The following PFKFB4 variants were observed in gnomAD, a reference collection of about 807,000 sequenced individuals.
The protein encoded by PFKFB4 is 6-phosphofructo-2-kinase/fructose-2,6-biphosphatase 4.
PFKFB4 carries 42 observed loss-of-function variants against 62.8 expected under a neutral mutation model. The observed-to-expected ratio is 0.67, with a 90% CI of 0.52 to 0.86. The LOEUF (loss-of-function observed/expected upper bound fraction) is 0.86, where lower values mean the gene tolerates loss of function less well. PFKFB4 is among the 40% of genes least tolerant of loss of function. PFKFB4 has a pLI of 0.00. For synonymous variants in PFKFB4, 204 were observed against 240.7 expected, an observed-to-expected ratio of 0.85 and a Z score of 1.41; for missense variants, 475 against 627.2, an observed-to-expected ratio of 0.76 and a Z score of 2.59.
In PFKFB4 at chr3:48,553,277, C is replaced by T. The variant is rs187686867; in HGVS notation, c.98-3043G>A. ...TCACCTGAGGTCAGGAGTTCGAGAC[C>T]AGCTTGGCCAACATGGTGAAACCCT... is the stretch of plus-strand genomic sequence containing the variant. On this transcript the variant is annotated intron_variant, in intron 1 of 13. Transcript: ENST00000232375. Among the ~76,000 whole-genome samples the T allele has an allele frequency of 3.9e-5, 6 of 152,286 alleles. No individual in the cohort carries two copies. In the East Asian group the frequency reaches 1.2e-3, roughly 29 times the overall value.
rs532957386 is a variant in PFKFB4, at chr3:48,543,991, G to GCC, written c.312-347_312-346dup. 2.1e-4 allele frequency among the ~76,000 whole-genome samples: 30 copies of GCC among 145,342 alleles called. No individual in the cohort carries two copies. The East Asian group carries it at 3.4e-3, about 17-fold the overall frequency. ...ATATTTTCCCTGATTATCAAAATAA[G>GCC]CCCCCCCCCGCCCGCCTTTTATTTA... On this transcript the variant is annotated intron_variant, in intron 3 of 13. Coordinates refer to ENST00000232375, the MANE Select transcript of PFKFB4 (RefSeq NM_004567.4).
intron 4 of PFKFB4, among the ~76,000 whole-genome samples, chr3:48,541,914 T>C (rs1328684423): frequency 6.6e-6 from 1 of 151,944 alleles, no homozygotes; most frequent in Non-Finnish European, 1.5e-5. Context: ...CAGTGAGCTA[T>C]GATTGAGACA....
upstream of PFKFB4, chr3:48,556,835 G>T: frequency 6.5e-7 from 1 of 1,527,998 alleles, no homozygotes; most frequent in Non-Finnish European, 8.8e-7. The surrounding 1 kb of genome is among the most constrained non-coding windows in gnomAD (Gnocchi z 5.7). Context: ...GGGCCACCTC[G>T]GGCCACCCGA....
rs577239620 is a variant in PFKFB4 at position 48,523,574 on chromosome 3, C to T, written c.1248G>A (p.Pro416=). Reference sequence around the variant, plus strand: ...GAGTCAGCTTCAGGACTGTGTGCAGCGGACACTTGAGGTAGGGCAGCTGTT... The same window carrying T: ...GAGTCAGCTTCAGGACTGTGTGCAGTGGACACTTGAGGTAGGGCAGCTGTT... ...AAEQLPYLKC[P]LHTVLKLTPV... is the part of the protein sequence containing the mutation. The change falls in exon 12 of 14, where the codon CCG becomes CCA. Residue 416 remains proline (P), a synonymous_variant. Coordinates refer to ENST00000232375, the MANE Select transcript of PFKFB4 (RefSeq NM_004567.4). The T allele has an allele frequency of 2.3e-5, 37 of 1,614,020 alleles. 1 individual carries two copies. The highest frequency in any genetic ancestry group is 7.7e-5 in the South Asian group (7 of 91,080).
intron 13 of PFKFB4, among the ~76,000 whole-genome samples, chr3:48,520,795 T>C (rs1039571418): frequency 1.3e-5 from 2 of 152,174 alleles, no homozygotes; most frequent in African/African-American, 2.4e-5. Flanking sequence ...AGCCACACTA[T>C]GGTGATGGAC....
At chr3:48,536,524 T>C (rs1294818995) in intron 7 of PFKFB4, 61 bp from the exon 8 acceptor site, 1 of 1,341,074 alleles carries the variant, frequency 7.5e-7, no homozygotes, top group African/African-American at 1.4e-5. Context: ...ACAGAGCACA[T>C]CTGGCTAGCC....
Position 48,543,567 on chromosome 3 carries a change from G to T in PFKFB4, c.378+13C>A. 4 of 1,603,348 alleles carry T rather than the reference G, an allele frequency of 2.5e-6. No homozygotes were observed. Among genetic ancestry groups the T allele is most frequent in the Non-Finnish European group, 3.4e-6 (4 of 1,174,892 alleles). On this transcript the variant is annotated intron_variant, in intron 4 of 13. Transcript: ENST00000232375. The stretch of plus-strand genomic sequence containing the variant: ...TGTGTCACTCCCAGCTGTCACCAGG[G>T]TGTCACACTCACCGCCACATGTCCC...
Position 48,519,773 on chromosome 3 carries a change from G to A in PFKFB4, c.1384C>T (p.Leu462Phe), listed in dbSNP as rs2042034319. 1 of 1,613,834 alleles carries A rather than the reference G, an allele frequency of 6.2e-7. No homozygotes were observed. Among genetic ancestry groups the A allele is most frequent in the Non-Finnish European group, 8.5e-7 (1 of 1,179,866 alleles). Residue 462 changes from leucine (L) to phenylalanine (F), a missense_variant, in exon 14 of 14, where the codon CTT becomes TTT. Transcript: ENST00000232375. ...CACTGGTGAGCAGGCACCGTGACAA[G>A]GGCTTCCTCTGGAGGTCTTGAGATG... is the stretch of plus-strand genomic sequence containing the variant. Reference protein sequence around the residue: ...VDISRPPEEALVTVPAHQ With the variant: ...VDISRPPEEAFVTVPAHQ
intron 13 of PFKFB4, among the ~76,000 whole-genome samples, chr3:48,520,926 C>G (rs2042078316): frequency 6.6e-6 from 1 of 152,332 alleles, no homozygotes; most frequent in South Asian, 2.1e-4. Flanking sequence ...CCATCTGGGC[C>G]TTCCTTGGCC....
chr3:48,526,917 G>T (rs1372624274), intron 9 of PFKFB4, among the ~76,000 whole-genome samples: 1 of 151,458 alleles, frequency 6.6e-6, no homozygotes, highest in Admixed American at 6.6e-5. Context: ...CTCCAGCCTG[G>T]GTGACAGAGC....
At chr3:48,540,966 G>A (rs1366978195) in intron 4 of PFKFB4, among the ~76,000 whole-genome samples, 2 of 151,682 alleles carry the variant, frequency 1.3e-5, no homozygotes, top group Non-Finnish European at 2.9e-5. Context: ...TAGTAGAGAC[G>A]AGGTTTCACC....
intron 6 of PFKFB4, 85 bp from the exon 7 acceptor site, chr3:48,538,704 G>A (rs2042707489): frequency 6.4e-6 from 10 of 1,570,300 alleles, no homozygotes; most frequent in Middle Eastern, 3.4e-4. Flanking sequence ...TGGGCAGGGG[G>A]CTGGAGGAGG....
In PFKFB4 at chr3:48,517,769, C is replaced by G. The variant is rs1393711364; in HGVS notation, c.*1978G>C. Reference sequence around the variant, plus strand: ...ATTCAATACCATCCATTCTGGGGAACTCGGGAAAATATCTGCAACATGGGC... The same window carrying G: ...ATTCAATACCATCCATTCTGGGGAAGTCGGGAAAATATCTGCAACATGGGC... On this transcript the variant is annotated 3_prime_UTR_variant, in exon 14 of 14. Coordinates refer to ENST00000232375, the MANE Select transcript of PFKFB4 (RefSeq NM_004567.4). 6.5e-6 allele frequency: 1 copy of G among 152,714 alleles called. No homozygotes were observed. Among genetic ancestry groups the G allele is most frequent in the African/African-American group, 2.4e-5 (1 of 41,458 alleles). The allele number at this position is 152,714 out of a possible 1,614,324, so 9.5% of individuals were successfully genotyped here. A position where few individuals can be genotyped will look rare whatever the true frequency, so the allele number is the denominator to read the frequency against.
In PFKFB4 at chr3:48,553,676, G is replaced by A. The variant is rs1056422595; in HGVS notation, c.97+3005C>T. Among the ~76,000 whole-genome samples the A allele has an allele frequency of 4.6e-5, 7 of 152,332 alleles. No individual in the cohort carries two copies. The East Asian group carries it at 1.4e-3, about 29-fold the overall frequency. ...ATGTTCCATTACTTCTACCCAAGGA[G>A]CAGCCACAAGTCCCTGGAGGGGGTG... On this transcript the variant is annotated intron_variant, in intron 1 of 13. Transcript: ENST00000232375.
intron 2 of PFKFB4, 67 bp downstream of exon 2, chr3:48,550,050 TA>T (rs762275190): frequency 7.8e-7 from 1 of 1,281,596 alleles, no homozygotes; most frequent in Non-Finnish European, 1.1e-6. Flanking sequence ...TAATAGAGAA[TA>T]GGCCTTCTCT....
intron 4 of PFKFB4, among the ~76,000 whole-genome samples, chr3:48,542,141 T>G (rs1177009300): frequency 1.3e-5 from 2 of 151,768 alleles, no homozygotes; most frequent in African/African-American, 4.8e-5. Context: ...GGTCAGGAGA[T>G]CGAGACCATG....
At chr3:48,562,538 A>G (rs1333885226), upstream of PFKFB4, 8 of 542,764 alleles carry the variant, frequency 1.5e-5, no homozygotes, top group South Asian at 4.9e-5. The surrounding 1 kb of genome is among the most constrained non-coding windows in gnomAD (Gnocchi z 4.3). Flanking sequence ...TCCATGTGGC[A>G]GTGACCCAAC....
At chr3:48,562,936 G>A (rs763575871), upstream of PFKFB4, 45 of 1,604,908 alleles carry the variant, frequency 2.8e-5, no homozygotes, top group East Asian at 9.9e-4. This position sits in a 1 kb window ranked among gnomAD's most constrained non-coding sequence, Gnocchi z 4.3. Context: ...GGCGGGTGGG[G>A]CTGCAGTGGC....
In PFKFB4 at chr3:48,518,490, C is replaced by A. The variant is rs2041986826; in HGVS notation, c.*1257G>T. On this transcript the variant is annotated 3_prime_UTR_variant, in exon 14 of 14. Coordinates refer to ENST00000232375, the MANE Select transcript of PFKFB4 (RefSeq NM_004567.4). ...CCAGACACTTTCTGACCCAGCCCCACAACTTGCCAGCCAGTCTGTTTGCCA... is the reference window on the plus strand; with the variant it reads ...CCAGACACTTTCTGACCCAGCCCCAAAACTTGCCAGCCAGTCTGTTTGCCA... The A allele has an allele frequency of 6.6e-6, 1 of 152,336 alleles. No individual in the cohort carries two copies. Among genetic ancestry groups the A allele is most frequent in the South Asian group, 2.1e-4 (1 of 4,838 alleles). The allele number at this position is 152,336 out of a possible 1,614,324, so 9.4% of individuals were successfully genotyped here. A position where few individuals can be genotyped will look rare whatever the true frequency, so the allele number is the denominator to read the frequency against.
Sources: allele counts gnomAD v4.1 joint callset (sites outside exome capture counted in the v4.1 genomes callset), GRCh38; gene constraint gnomAD v4.1.1; non-coding constraint Gnocchi (gnomAD v3.1); transcripts MANE v1.5; gene names NCBI Gene and HGNC (gene_info 2026-07-23, HGNC 2026-07-21).